The following NINL variants were observed in gnomAD, a reference collection of about 807,000 sequenced individuals.
The protein encoded by NINL is ninein-like protein.
In NINL, 153 loss-of-function variants were observed where a neutral mutation model predicts 160.3. The ratio of observed to expected loss-of-function variants is 0.95; its 90% confidence interval spans 0.84 to 1.09. The LOEUF is 1.09. NINL is among the 50% of genes least tolerant of loss of function. The pLI, the probability that NINL is intolerant of heterozygous loss-of-function variation, is 0.00. For missense variants in NINL, 1,829 were observed against 1,764.0 expected (o/e 1.04, Z -0.66); for synonymous variants, 800 against 734.8 (o/e 1.09, Z -1.43).
At chr20:25,580,700 G>A (rs1269773214) in intron 1 of NINL, among the ~76,000 whole-genome samples, 1 of 152,216 alleles carries the variant, frequency 6.6e-6, no homozygotes, top group African/African-American at 2.4e-5. Context: ...CCAGAAAATT[G>A]TCTGTCCATT....
At chr20:25,498,395 A>G in intron 8 of NINL, 49 bp from the exon 9 acceptor site, 2 of 1,603,646 alleles carry the variant, frequency 1.2e-6, no homozygotes, top group Non-Finnish European at 8.5e-7. Context: ...GACTTCCCCA[A>G]GCAGACACCT....
chr20:25,561,799 A>T (rs2064942489), intron 1 of NINL, among the ~76,000 whole-genome samples: 1 of 142,602 alleles, frequency 7.0e-6, no homozygotes, highest in African/African-American at 2.7e-5. Context: ...CCGCCTGGCA[A>T]CCGCCCCATC....
intron 1 of NINL, among the ~76,000 whole-genome samples, chr20:25,549,387 C>T (rs2064779924): frequency 6.6e-6 from 1 of 151,834 alleles, no homozygotes; most frequent in East Asian, 1.9e-4. Flanking sequence ...ACAGCTCCCA[C>T]ACCCAGCCTC....
intron 1 of NINL, among the ~76,000 whole-genome samples, chr20:25,547,578 G>A (rs544892967): frequency 6.6e-6 from 1 of 151,952 alleles, no homozygotes; most frequent in East Asian, 1.9e-4. Flanking sequence ...TAAATTCTAG[G>A]ACATCCAGGG....
In NINL at chr20:25,510,728, C is replaced by T; in HGVS notation, c.463G>A (p.Asp155Asn). 6.2e-7 allele frequency: 1 copy of T among 1,613,642 alleles called. No homozygotes were observed. Among genetic ancestry groups the T allele is most frequent in the Middle Eastern group, 1.7e-4 (1 of 5,890 alleles). The change falls in exon 5 of 24, where the codon GAT becomes AAT. Residue 155 changes from aspartate to asparagine, a missense_variant. Transcript: ENST00000278886. Reference sequence around the variant, plus strand: ...TCTTTAGTGCTCTCGGCCTCTTCATCTGACTTGGGACTCTGTAGAAAGATG... The same window carrying T: ...TCTTTAGTGCTCTCGGCCTCTTCATTTGACTTGGGACTCTGTAGAAAGATG... ...SLESVESPKS[D>N]EEAESTKEAQ... is the part of the protein sequence containing the mutation.
intron 17 of NINL, among the ~76,000 whole-genome samples, chr20:25,474,046 T>C (rs1484010186): frequency 6.6e-6 from 1 of 152,164 alleles, no homozygotes; most frequent in Non-Finnish European, 1.5e-5. Context: ...GCAGGGGGAA[T>C]GAAGGCTGCT....
In NINL at chr20:25,467,155, C is replaced by T. The variant is rs57522322; in HGVS notation, c.3423+234G>A. Among the ~76,000 whole-genome samples the T allele has an allele frequency of 6.5e-3, 995 of 152,284 alleles. 16 individuals carry two copies. The highest frequency in any genetic ancestry group is 0.023 in the African/African-American group (950 of 41,548). Reference sequence around the variant, plus strand: ...GGGATGCCTGTGGTCCCAACTACTGCGTGCCACATGATTCTGAACATCCTT... The same window carrying T: ...GGGATGCCTGTGGTCCCAACTACTGTGTGCCACATGATTCTGAACATCCTT... On this transcript the variant is annotated intron_variant, in intron 19 of 23. Coordinates refer to ENST00000278886, the MANE Select transcript of NINL (RefSeq NM_025176.6).
At chr20:25,567,645 C>T (rs2065010663) in intron 1 of NINL, among the ~76,000 whole-genome samples, 1 of 152,070 alleles carries the variant, frequency 6.6e-6, no homozygotes, top group African/African-American at 2.4e-5. Flanking sequence ...TTCTCATATA[C>T]CATGAAGCCA....
chr20:25,462,396 C>A lies in NINL; in HGVS notation c.3569G>T (p.Ser1190Ile), dbSNP rs751604047. 2 of 1,613,356 alleles carry A rather than the reference C, an allele frequency of 1.2e-6. No homozygotes were observed. Among genetic ancestry groups the A allele is most frequent in the Admixed American group, 3.3e-5 (2 of 59,946 alleles). Reference sequence around the variant, plus strand: ...GAGGCCACCCACCTGCTGCTGCCCACTGCGAACCACCTCCTCCAGGCTCTG... The same window carrying A: ...GAGGCCACCCACCTGCTGCTGCCCAATGCGAACCACCTCCTCCAGGCTCTG... ...LTQSLEEVVR[S>I]GQQQSDQIQK... The change falls in exon 20 of 24, where the codon AGT becomes ATT. Residue 1190 changes from serine to isoleucine, a missense_variant. By Grantham distance (142) the Ser-to-Ile change is moderately radical (BLOSUM62 -2). Coordinates refer to ENST00000278886, the MANE Select transcript of NINL (RefSeq NM_025176.6).
At chr20:25,526,112 C>A (rs931862698) in intron 2 of NINL, among the ~76,000 whole-genome samples, 2 of 152,186 alleles carry the variant, frequency 1.3e-5, no homozygotes, top group Admixed American at 1.3e-4. Context: ...AATCACACAC[C>A]ACTGGCCTAT....
chr20:25,585,387 G>C (rs1274923762), intron 1 of NINL, 68 bp downstream of exon 1: 1 of 152,138 alleles, frequency 6.6e-6, no homozygotes, highest in Non-Finnish European at 1.5e-5. Flanking sequence ...TCGCGACGCA[G>C]GGGCGGCCCC....
At chr20:25,575,086 T>C (rs2065098772) in intron 1 of NINL, among the ~76,000 whole-genome samples, 1 of 152,200 alleles carries the variant, frequency 6.6e-6, no homozygotes, top group African/African-American at 2.4e-5. Context: ...TGGAGGTCTT[T>C]AGATGGCAGT....
intron 18 of NINL, among the ~76,000 whole-genome samples, chr20:25,467,808 A>G (rs570992745): frequency 1.3e-5 from 2 of 152,270 alleles, no homozygotes; most frequent in Middle Eastern, 3.4e-3. Context: ...AAAACACATA[A>G]CACTTCACAC....
chr20:25,574,709 A>G (rs2065095175), intron 1 of NINL, among the ~76,000 whole-genome samples: 1 of 152,184 alleles, frequency 6.6e-6, no homozygotes, highest in Non-Finnish European at 1.5e-5. Flanking sequence ...CATGGTAGAT[A>G]GAGGTGCAGA....
At chr20:25,471,305 A>G (rs906689148) in intron 17 of NINL, among the ~76,000 whole-genome samples, 1 of 152,238 alleles carries the variant, frequency 6.6e-6, no homozygotes, top group Non-Finnish European at 1.5e-5. Flanking sequence ...TATTATACTT[A>G]TAATAGTAAA....
chr20:25,573,595 A>G (rs1290426376), intron 1 of NINL, among the ~76,000 whole-genome samples: 1 of 152,230 alleles, frequency 6.6e-6, no homozygotes, highest in Non-Finnish European at 1.5e-5. Context: ...AGGCCCTAAA[A>G]GAGGATTCAG....
At chr20:25,543,301 G>C (rs2064692544) in intron 1 of NINL, among the ~76,000 whole-genome samples, 2 of 152,116 alleles carry the variant, frequency 1.3e-5, no homozygotes, top group East Asian at 3.9e-4. Context: ...TGTAATCCCA[G>C]CACTTTGGGA....
chr20:25,583,578 G>A (rs1479130549), intron 1 of NINL, among the ~76,000 whole-genome samples: 1 of 152,128 alleles, frequency 6.6e-6, no homozygotes, highest in African/African-American at 2.4e-5. Context: ...ATTCCTCAAG[G>A]ATCTAGAACC....
chr20:25,520,251 A>T (rs2064239385), intron 2 of NINL, among the ~76,000 whole-genome samples: 1 of 152,184 alleles, frequency 6.6e-6, no homozygotes, highest in Non-Finnish European at 1.5e-5. Flanking sequence ...CGCTTCAGTG[A>T]AAGTCACACA....
Sources: allele counts gnomAD v4.1 joint callset (sites outside exome capture counted in the v4.1 genomes callset), GRCh38; gene constraint gnomAD v4.1.1; transcripts MANE v1.5; gene names NCBI Gene and HGNC (gene_info 2026-07-23, HGNC 2026-07-21).